PCDHA9: variants seen among roughly 807,000 people sequenced by gnomAD.
PCDHA9 encodes the protein protocadherin alpha 9.
PCDHA9 carries 62 observed loss-of-function variants against 62.0 expected under a neutral mutation model. The ratio of observed to expected loss-of-function variants is 1.00; its 90% confidence interval spans 0.81 to 1.23. The LOEUF (loss-of-function observed/expected upper bound fraction) is 1.23, where lower values mean the gene tolerates loss of function less well. Ranked by LOEUF, PCDHA9 falls within the 50% of genes most tolerant of loss-of-function variation. The pLI, the probability that PCDHA9 is intolerant of heterozygous loss-of-function variation, is 0.00. For missense variants in PCDHA9, 1,205 were observed against 1,249.8 expected (o/e 0.96, Z 0.54); for synonymous variants, 557 against 567.6 (o/e 0.98, Z 0.27).
chr5:140,862,554 A>G, intron 1 of PCDHA9: 3 of 464,416 alleles, frequency 6.5e-6, no homozygotes, highest in Non-Finnish European at 1.3e-5. Context: ...GTGGCCGAAC[A>G]GTGAACCACA....
chr5:141,006,944 A>G (rs2098295543), intron 3 of PCDHA9, among the ~76,000 whole-genome samples: 1 of 152,202 alleles, frequency 6.6e-6, no homozygotes, highest in African/African-American at 2.4e-5. Context: ...GATACCAGAT[A>G]GGCAGTTATA....
intron 1 of PCDHA9, among the ~76,000 whole-genome samples, chr5:140,943,089 T>C (rs2093417033): frequency 6.6e-6 from 1 of 151,612 alleles, no homozygotes; most frequent in African/African-American, 2.4e-5. Flanking sequence ...AAATCCTGCC[T>C]CTACTAAAAA....
intron 1 of PCDHA9, among the ~76,000 whole-genome samples, chr5:140,899,726 T>A (rs1406076879): frequency 6.6e-6 from 1 of 152,236 alleles, no homozygotes; most frequent in East Asian, 1.9e-4. Flanking sequence ...CCTCTTTTTC[T>A]ATTGATTGGA....
chr5:140,865,891 G>T (rs2153226953), intron 1 of PCDHA9: 1 of 152,240 alleles, frequency 6.6e-6, no homozygotes, highest in African/African-American at 2.4e-5. Context: ...AGCACAAATT[G>T]TGTACAGGCA....
intron 1 of PCDHA9, chr5:140,928,453 T>G (rs528077853): frequency 1.9e-6 from 3 of 1,613,888 alleles, no homozygotes; most frequent in African/African-American, 2.7e-5. Flanking sequence ...GCTCAGGGGG[T>G]TTCATTTCCA....
intron 1 of PCDHA9, among the ~76,000 whole-genome samples, chr5:140,889,730 A>C (rs1554184026): frequency 6.6e-6 from 1 of 152,198 alleles, no homozygotes; most frequent in East Asian, 1.9e-4. Flanking sequence ...TGTCTCACTG[A>C]GTAGCAGAGT....
At chr5:140,913,945 A>T (rs2076523304) in intron 1 of PCDHA9, among the ~76,000 whole-genome samples, 1 of 152,086 alleles carries the variant, frequency 6.6e-6, no homozygotes, top group Non-Finnish European at 1.5e-5. Flanking sequence ...AAGAATCTTG[A>T]TATGATATCA....
chr5:140,876,977 A>C (rs782413550), intron 1 of PCDHA9: 12 of 1,612,554 alleles, frequency 7.4e-6, no homozygotes, highest in Non-Finnish European at 1.0e-5. Context: ...GTGGGCGAGC[A>C]CGCACTGTCG....
At chr5:140,875,253 A>C in intron 1 of PCDHA9, 1 of 1,053,108 alleles carries the variant, frequency 9.5e-7, no homozygotes, top group Non-Finnish European at 1.3e-6. Flanking sequence ...AATCAGTCAC[A>C]TGATGTCGCT....
chr5:140,966,765 C>G (rs2096051420), intron 1 of PCDHA9: 7 of 1,482,914 alleles, frequency 4.7e-6, no homozygotes, highest in Non-Finnish European at 6.3e-6. Context: ...CGGCCAGTGG[C>G]TATGGAGCAG....
intron 1 of PCDHA9, among the ~76,000 whole-genome samples, chr5:140,963,380 G>A (rs1476855902): frequency 6.6e-6 from 1 of 152,198 alleles, no homozygotes; most frequent in Non-Finnish European, 1.5e-5. Context: ...GAGCACCTCT[G>A]TGCCAAGCTC....
chr5:140,924,318 G>C (rs550515387), intron 1 of PCDHA9, among the ~76,000 whole-genome samples: 71 of 152,282 alleles, frequency 4.7e-4, no homozygotes, highest in African/African-American at 1.3e-3. Context: ...AATTTTATCT[G>C]AGACTTGGTG....
chr5:141,005,662 A>G (rs2098227817), intron 3 of PCDHA9, among the ~76,000 whole-genome samples: 1 of 138,324 alleles, frequency 7.2e-6, no homozygotes, highest in East Asian at 2.2e-4. Context: ...AGATCGCGCC[A>G]CTGCACTCCA....
intron 1 of PCDHA9, chr5:140,882,806 T>A: frequency 6.2e-7 from 1 of 1,614,218 alleles, no homozygotes; most frequent in Non-Finnish European, 8.5e-7. Flanking sequence ...TTATTTCACT[T>A]TGGACGCACA....
At chr5:140,867,556 A>G (rs578116609) in intron 1 of PCDHA9, 33 of 152,264 alleles carry the variant, frequency 2.2e-4, no homozygotes, top group African/African-American at 7.5e-4. Flanking sequence ...TACACATATG[A>G]TAACTTTTTC....
intron 1 of PCDHA9, among the ~76,000 whole-genome samples, chr5:140,935,340 C>T (rs781819548): frequency 3.3e-5 from 5 of 152,172 alleles, no homozygotes; most frequent in African/African-American, 7.2e-5. Context: ...TTCTCCCATA[C>T]GTCAAATCCC....
At chr5:140,926,373 G>T (rs1040164585) in intron 1 of PCDHA9, 1 of 152,370 alleles carries the variant, frequency 6.6e-6, no homozygotes, top group African/African-American at 2.4e-5. Flanking sequence ...GGCAGGAAGA[G>T]CCCAGCTGGG....
At chr5:140,996,795 C>G (rs1554255407) in intron 3 of PCDHA9, among the ~76,000 whole-genome samples, 1 of 152,170 alleles carries the variant, frequency 6.6e-6, no homozygotes, top group East Asian at 1.9e-4. Flanking sequence ...CTCCCTACAT[C>G]CAATCATGCT....
At chr5:140,975,307 A>G (rs1190412792) in intron 1 of PCDHA9, among the ~76,000 whole-genome samples, 1 of 152,162 alleles carries the variant, frequency 6.6e-6, no homozygotes, top group Non-Finnish European at 1.5e-5. Context: ...AGCTCATGTG[A>G]TTATGTCAGT....
Sources: gnomAD v4.1 joint callset for allele counts (sites outside exome capture counted in the v4.1 genomes callset) on GRCh38, gnomAD v4.1.1 for gene constraint, MANE v1.5 for transcripts, NCBI Gene and HGNC (gene_info 2026-07-23, HGNC 2026-07-21) for gene names.